CDH19: variants seen among roughly 807,000 people sequenced by gnomAD.
CDH19 encodes cadherin-19.
In CDH19, 67 loss-of-function variants were observed where a neutral mutation model predicts 64.2. The ratio of observed to expected loss-of-function variants is 1.04; its 90% CI spans 0.86 to 1.28. The LOEUF is 1.28. CDH19 is among the 50% of genes most tolerant of loss of function. The pLI is 0.00. For synonymous variants in CDH19, 346 were observed against 319.3 expected, an observed-to-expected ratio of 1.08 and a Z score of -0.89; for missense variants, 1,030 against 929.0, an observed-to-expected ratio of 1.11 and a Z score of -1.41.
In CDH19 at chr18:66,503,894, G is replaced by A. The variant is rs967536389; in HGVS notation, c.*918C>T. On this transcript the variant is annotated 3_prime_UTR_variant, in exon 12 of 12. Coordinates refer to ENST00000262150, the MANE Select transcript of CDH19 (RefSeq NM_021153.4). Reference sequence around the variant, plus strand: ...AATCTGCTTTCCATATAAGGTAAATGTTTTTAAACATTTATGTAATCACCC... The same window carrying A: ...AATCTGCTTTCCATATAAGGTAAATATTTTTAAACATTTATGTAATCACCC... 1.3e-5 allele frequency: 2 copies of A among 151,804 alleles called. No homozygotes were observed. Among genetic ancestry groups the A allele is most frequent in the Admixed American group, 1.3e-4 (2 of 15,214 alleles). The allele number at this position is 151,804 out of a possible 1,614,324, so 9.4% of individuals were successfully genotyped here.
intron 1 of CDH19, among the ~76,000 whole-genome samples, chr18:66,576,632 C>T (rs1015976103): frequency 6.6e-6 from 1 of 151,260 alleles, no homozygotes; most frequent in Admixed American, 6.6e-5. Flanking sequence ...AAATGAAATA[C>T]AAGATGAAAT....
intron 8 of CDH19, among the ~76,000 whole-genome samples, chr18:66,530,599 A>C (rs1047855991): frequency 9.2e-5 from 14 of 152,092 alleles, no homozygotes; most frequent in African/African-American, 3.4e-4. Context: ...AGAAATCCAA[A>C]AAACATAATG....
At chr18:66,516,378 C>A (rs1027479466) in intron 9 of CDH19, among the ~76,000 whole-genome samples, 2 of 151,932 alleles carry the variant, frequency 1.3e-5, no homozygotes, top group African/African-American at 4.8e-5. Context: ...TACAAAAAAA[C>A]CCACTAACAA....
intron 1 of CDH19, 70 bp from the exon 2 acceptor site, chr18:66,572,386 AG>A (rs1988135437): frequency 2.3e-6 from 1 of 441,568 alleles, no homozygotes; most frequent in Non-Finnish European, 4.0e-6. Flanking sequence ...TACTAAAGAC[AG>A]GTTACAACTT....
rs185359036 is a variant in CDH19 at position 66,508,770 on chromosome 18, C to T, written c.1828+225G>A. On this transcript the variant is annotated intron_variant, in intron 11 of 11. Transcript: ENST00000262150. ...TGTGTACATACATACTCATACAATTCAAAGATCATGTTTTTATCCACTTAT... is the reference window on the plus strand; with the variant it reads ...TGTGTACATACATACTCATACAATTTAAAGATCATGTTTTTATCCACTTAT... Among the ~76,000 whole-genome samples the T allele has an allele frequency of 1.1e-3, 150 of 132,896 alleles. 1 individual carries two copies. Among genetic ancestry groups the T allele is most frequent in the African/African-American group, 4.0e-3 (144 of 36,212 alleles). The allele number at this position is 132,896 out of a possible 152,430, so 87.2% of individuals were successfully genotyped here.
At position 66,514,360 on chromosome 18, in the gene CDH19, ATT is replaced by A; in HGVS notation, c.1459-2677_1459-2676del. On this transcript the variant is annotated intron_variant, in intron 9 of 11. Transcript: ENST00000262150. Reference sequence around the variant, plus strand: ...TAGTGACAGAGAAATAAGTAATATAATTTTGTAGAATAAGGACCAAAAATAAT... The same window carrying A: ...TAGTGACAGAGAAATAAGTAATATAATTGTAGAATAAGGACCAAAAATAAT... Among the ~76,000 whole-genome samples the A allele has an allele frequency of 2.0e-5, 3 of 151,668 alleles. No individual in the cohort carries two copies. In the South Asian group the frequency reaches 6.2e-4, roughly 31 times the overall value.
chr18:66,550,279 G>A (rs1987292306), intron 5 of CDH19, among the ~76,000 whole-genome samples: 1 of 152,244 alleles, frequency 6.6e-6, no homozygotes, highest in African/African-American at 2.4e-5. Context: ...ATGTGTTTAT[G>A]TTTAGCTTGC....
intron 1 of CDH19, among the ~76,000 whole-genome samples, chr18:66,601,267 A>G (rs1475590053): frequency 1.3e-5 from 2 of 151,922 alleles, no homozygotes; most frequent in Non-Finnish European, 2.9e-5. Flanking sequence ...TAAAGTCAAA[A>G]AAATAGCGAC....
chr18:66,568,669 G>T lies in CDH19; in HGVS notation c.237C>A (p.Tyr79Ter). 6.2e-7 allele frequency: 1 copy of T among 1,610,356 alleles called. No individual in the cohort carries two copies. Among genetic ancestry groups the T allele is most frequent in the Non-Finnish European group, 8.5e-7 (1 of 1,178,472 alleles). The part of the protein sequence containing the change: ...DLDNGNNSFQ[Y>*]KLLGAGAGST... ...TTCCAGCTCCAGCTCCCAAAAGCTT[G>T]TACTGGAAAGAATTGTTTCCATTGT... Residue 79 changes from tyrosine to a stop codon, truncating the protein, a stop_gained, in exon 3 of 12, where the codon TAC becomes TAA. Coordinates refer to ENST00000262150, the MANE Select transcript of CDH19 (RefSeq NM_021153.4). LOFTEE classifies it high-confidence loss of function.
intron 9 of CDH19, among the ~76,000 whole-genome samples, chr18:66,521,307 G>T (rs1297172424): frequency 6.6e-6 from 1 of 152,058 alleles, no homozygotes; most frequent in Non-Finnish European, 1.5e-5. Context: ...ACCTGTAATG[G>T]ATACAGAGTG....
intron 7 of CDH19, among the ~76,000 whole-genome samples, chr18:66,536,082 G>A (rs73537802): frequency 0.017 from 2,568 of 149,286 alleles, 64 homozygotes; most frequent in African/African-American, 0.057. Context: ...AGAAGACTTC[G>A]AAATACTCAG....
intron 9 of CDH19, among the ~76,000 whole-genome samples, chr18:66,524,041 G>C (rs1365313471): frequency 1.3e-5 from 2 of 152,110 alleles, no homozygotes; most frequent in African/African-American, 4.8e-5. Context: ...TGCTGTACCA[G>C]AAACCATGTA....
intron 11 of CDH19, among the ~76,000 whole-genome samples, chr18:66,506,054 A>C (rs566651238): frequency 6.6e-6 from 1 of 152,156 alleles, no homozygotes; most frequent in Non-Finnish European, 1.5e-5. Context: ...ATGTTAAGTA[A>C]AATAAGCTAG....
At position 66,528,153 on chromosome 18, in the gene CDH19, G is replaced by A. The variant is rs537616349; in HGVS notation, c.1458+1692C>T. On this transcript the variant is annotated intron_variant, in intron 9 of 11. Transcript: ENST00000262150. ...AAAGTATCATTTATTAGATTTACAT[G>A]TTATTATTTAAAAGTTGCTTGTTAT... Among the ~76,000 whole-genome samples, 11 of 152,094 alleles carry A rather than the reference G, an allele frequency of 7.2e-5. No individual in the cohort carries two copies. The South Asian group carries it at 1.9e-3, about 26-fold the overall frequency.
At chr18:66,583,069 T>A (rs1206585446) in intron 1 of CDH19, among the ~76,000 whole-genome samples, 1 of 152,088 alleles carries the variant, frequency 6.6e-6, no homozygotes, top group Non-Finnish European at 1.5e-5. Flanking sequence ...TGTATGCTCC[T>A]GTATTGAAGA....
intron 9 of CDH19, among the ~76,000 whole-genome samples, chr18:66,515,735 A>T (rs995209386): frequency 1.3e-5 from 2 of 151,914 alleles, no homozygotes; most frequent in African/African-American, 4.8e-5. Context: ...TTTTCCTTTT[A>T]AAGTTAATAT....
intron 4 of CDH19, among the ~76,000 whole-genome samples, 159 bp downstream of exon 4, chr18:66,554,246 G>A (rs1025795401): frequency 1.3e-5 from 2 of 151,938 alleles, no homozygotes; most frequent in African/African-American, 4.8e-5. Context: ...AGAAGTATCA[G>A]CTAAAAGACT....
At chr18:66,573,068 C>G (rs1162078706) in intron 1 of CDH19, among the ~76,000 whole-genome samples, 1 of 151,578 alleles carries the variant, frequency 6.6e-6, no homozygotes, top group Non-Finnish European at 1.5e-5. Context: ...AAGACTCTGG[C>G]TATTGAGTTT....
intron 1 of CDH19, among the ~76,000 whole-genome samples, chr18:66,578,551 A>G (rs1432221122): frequency 6.6e-6 from 1 of 151,926 alleles, no homozygotes; most frequent in East Asian, 1.9e-4. Context: ...ATGACTATTT[A>G]GAAAACAGTT....
Sources: allele counts gnomAD v4.1 joint callset (sites outside exome capture counted in the v4.1 genomes callset), GRCh38; gene constraint gnomAD v4.1.1; transcripts MANE v1.5; gene names NCBI Gene and HGNC (gene_info 2026-07-23, HGNC 2026-07-21).